MAPKAP1: variants seen among roughly 807,000 people sequenced by gnomAD.
MAPKAP1 encodes the protein target of rapamycin complex 2 subunit MAPKAP1.
A neutral mutation model predicts 65.7 loss-of-function variants in MAPKAP1; 20 were observed. The observed-to-expected ratio is 0.30, with a 90% CI of 0.21 to 0.44. The LOEUF (loss-of-function observed/expected upper bound fraction) is 0.44, where lower values mean the gene tolerates loss of function less well. Among genes scored for constraint, MAPKAP1 ranks in the 20% least tolerant of loss-of-function variants. The pLI is 1.00. For missense variants in MAPKAP1, 423 were observed against 648.0 expected, an observed-to-expected ratio of 0.65 and a Z score of 3.77; for synonymous variants, 222 against 244.3, an observed-to-expected ratio of 0.91 and a Z score of 0.85.
chr9:125,497,433 G>T (rs1828840424), intron 8 of MAPKAP1, among the ~76,000 whole-genome samples: 1 of 152,170 alleles, frequency 6.6e-6, no homozygotes. Context: ...CAGACTTAAT[G>T]AATAAAAGAC....
chr9:125,663,648 T>A (rs1834253478), intron 3 of MAPKAP1, among the ~76,000 whole-genome samples: 1 of 152,142 alleles, frequency 6.6e-6, no homozygotes, highest in Non-Finnish European at 1.5e-5. Flanking sequence ...TGAATAAGTC[T>A]GGACCAGAGA....
chr9:125,452,753 G>A (rs2132947714), intron 10 of MAPKAP1, among the ~76,000 whole-genome samples: 1 of 152,158 alleles, frequency 6.6e-6, no homozygotes, highest in South Asian at 2.1e-4. Context: ...CTAGCCGGGT[G>A]TGGTGGTGTG....
At chr9:125,626,584 T>C (rs952369956) in intron 4 of MAPKAP1, among the ~76,000 whole-genome samples, 6 of 152,240 alleles carry the variant, frequency 3.9e-5, no homozygotes, top group Non-Finnish European at 8.8e-5. Flanking sequence ...AACAGCCACA[T>C]GTGGCCAGTA....
intron 10 of MAPKAP1, among the ~76,000 whole-genome samples, chr9:125,459,789 TCAGAGGGAGACCGTGGAAAGAGAGG>T (rs1194363782): frequency 1.1e-5 from 1 of 90,704 alleles, no homozygotes; most frequent in Non-Finnish European, 2.4e-5. Context: ...CGGCTCGGCA[TCAGAGGGAGACCGTGGAAAGAGAGG>T]GAGAGGGAGA....
intron 7 of MAPKAP1, among the ~76,000 whole-genome samples, chr9:125,529,573 A>G (rs766581019): frequency 2.0e-5 from 3 of 152,182 alleles, no homozygotes; most frequent in Non-Finnish European, 4.4e-5. Context: ...CTATGATTTG[A>G]TATTTCTGTG....
In MAPKAP1 at chr9:125,606,943, T is replaced by C. The variant is rs540724473; in HGVS notation, c.499-21216A>G. Reference sequence around the variant, plus strand: ...GAAAGCAAATAAATGCGCTTTGGATTGGAGAGACCTAGGTCTGAATTCCAG... The same window carrying C: ...GAAAGCAAATAAATGCGCTTTGGATCGGAGAGACCTAGGTCTGAATTCCAG... On this transcript the variant is annotated intron_variant, in intron 4 of 11. Transcript: ENST00000265960. 8.5e-5 allele frequency among the ~76,000 whole-genome samples: 13 copies of C among 152,268 alleles called. No individual in the cohort carries two copies. In the South Asian group the frequency reaches 2.7e-3, roughly 32 times the overall value.
intron 8 of MAPKAP1, among the ~76,000 whole-genome samples, chr9:125,501,050 C>T (rs1038932665): frequency 6.6e-6 from 1 of 152,118 alleles, no homozygotes; most frequent in African/African-American, 2.4e-5. Context: ...TCAAATGTCA[C>T]AAGGATTGTT....
At chr9:125,468,746 C>T (rs1853780301) in intron 9 of MAPKAP1, among the ~76,000 whole-genome samples, 1 of 152,244 alleles carries the variant, frequency 6.6e-6, no homozygotes, top group South Asian at 2.1e-4. Flanking sequence ...CTTCAGGCTG[C>T]AGAGGTCATT....
chr9:125,478,861 GAAC>G (rs1564525115), intron 9 of MAPKAP1, among the ~76,000 whole-genome samples: 2 of 152,184 alleles, frequency 1.3e-5, no homozygotes, highest in Admixed American at 6.5e-5. Flanking sequence ...CATGAAGTGG[GAAC>G]AACAATATCA....
intron 4 of MAPKAP1, among the ~76,000 whole-genome samples, chr9:125,628,866 TCAACAACAACAA>T (rs71374283): frequency 2.0e-5 from 3 of 151,244 alleles, no homozygotes; most frequent in Non-Finnish European, 2.9e-5. Context: ...ACTCTACAAC[TCAACAACAACAA>T]CAACAACAAG....
Position 125,444,530 on chromosome 9 carries a change from C to T in MAPKAP1, c.1414G>A (p.Ala472Thr), listed in dbSNP as rs759492877. The change falls in exon 11 of 12, where the codon GCT becomes ACT. Residue 472 changes from alanine (A) to threonine (T), a missense_variant. By Grantham distance (58) the Ala-to-Thr change is moderately conservative. Transcript: ENST00000265960. ...DYKHLYFESD[A>T]ATVNEIVLKV... The stretch of plus-strand genomic sequence containing the variant: ...AGCACAATTTCATTGACGGTAGCAG[C>T]GTCCGATTCAAAGTAGAGGTGTTTA... 8.1e-6 allele frequency: 13 copies of T among 1,613,734 alleles called. No homozygotes were observed. The highest frequency in any genetic ancestry group is 4.5e-5 in the East Asian group (2 of 44,876).
At chr9:125,677,462 A>G (rs1421881853) in intron 1 of MAPKAP1, among the ~76,000 whole-genome samples, 1 of 152,028 alleles carries the variant, frequency 6.6e-6, no homozygotes, top group Non-Finnish European at 1.5e-5. Flanking sequence ...TTGGGGGGCC[A>G]AGGCAGGTGG....
chr9:125,522,987 C>T (rs751640573), intron 7 of MAPKAP1, among the ~76,000 whole-genome samples: 2 of 152,202 alleles, frequency 1.3e-5, no homozygotes, highest in Non-Finnish European at 2.9e-5. Context: ...TTCTCTCCTT[C>T]TGACCCCATG....
At chr9:125,663,609 T>C (rs960683090) in intron 3 of MAPKAP1, among the ~76,000 whole-genome samples, 10 of 152,328 alleles carry the variant, frequency 6.6e-5, no homozygotes, top group African/African-American at 2.4e-4. Context: ...GAATAATTTA[T>C]TATTTTTTAA....
chr9:125,475,826 G>T (rs1024585585), intron 9 of MAPKAP1, among the ~76,000 whole-genome samples: 2 of 152,186 alleles, frequency 1.3e-5, no homozygotes, highest in Admixed American at 6.5e-5. Context: ...GGCCCTAAGA[G>T]AATTTACAGT....
chr9:125,518,928 AAAG>A (rs1420124415), intron 7 of MAPKAP1, among the ~76,000 whole-genome samples: 2 of 152,226 alleles, frequency 1.3e-5, no homozygotes, highest in Non-Finnish European at 2.9e-5. Flanking sequence ...GTATACCAGC[AAAG>A]AAGATGGCTT....
rs867569026 is a variant in MAPKAP1, at chr9:125,625,272, A to T, written c.498+32379T>A. 1.3e-3 allele frequency among the ~76,000 whole-genome samples: 192 copies of T among 147,574 alleles called. 5 individuals are homozygous for T. Among genetic ancestry groups the T allele is most frequent in the African/African-American group, 4.5e-3 (180 of 40,040 alleles). On this transcript the variant is annotated intron_variant, in intron 4 of 11. Coordinates refer to ENST00000265960, the MANE Select transcript of MAPKAP1 (RefSeq NM_001006617.3). Reference sequence around the variant, plus strand: ...TAAATAAATAAAAAAAAAAAAAAAAAAAAAAAAACAAGGGAGAGAATTTAC... The same window carrying T: ...TAAATAAATAAAAAAAAAAAAAAAATAAAAAAAACAAGGGAGAGAATTTAC...
chr9:125,658,880 T>C (rs1322162825), intron 3 of MAPKAP1, among the ~76,000 whole-genome samples: 2 of 152,110 alleles, frequency 1.3e-5, no homozygotes, highest in African/African-American at 4.8e-5. Flanking sequence ...TTCAACCCCA[T>C]TCCACTTTAG....
intron 8 of MAPKAP1, among the ~76,000 whole-genome samples, chr9:125,505,764 G>A (rs957462012): frequency 3.3e-5 from 5 of 152,210 alleles, no homozygotes; most frequent in African/African-American, 9.6e-5. Context: ...TGCCGCAAGC[G>A]CAGTTTCACA....
Sources: gnomAD v4.1 joint callset for allele counts (sites outside exome capture counted in the v4.1 genomes callset) on GRCh38, gnomAD v4.1.1 for gene constraint, MANE v1.5 for transcripts, NCBI Gene and HGNC (gene_info 2026-07-23, HGNC 2026-07-21) for gene names.